Variants in TNR observed in about 807,000 individuals in gnomAD.
TNR encodes tenascin R, also known as tenascin-R.
Under a neutral mutation model 150.4 loss-of-function variants are expected in TNR, and 45 were observed. That is an observed-to-expected ratio of 0.30 (90% CI 0.24 to 0.38). TNR has a LOEUF of 0.38. Ranked by LOEUF, TNR falls within the 10% of genes least tolerant of loss-of-function variation. The pLI is 1.00. For synonymous variants in TNR, 687 were observed against 678.4 expected (o/e 1.01, Z -0.20); for missense variants, 1,544 against 1,759.1 (o/e 0.88, Z 2.19).
Position 175,368,560 on chromosome 1 carries a change from T to A in TNR, c.1964-1263A>T, listed in dbSNP as rs181135722. Among the ~76,000 whole-genome samples, 395 of 152,312 alleles carry A rather than the reference T, an allele frequency of 2.6e-3. 1 individual carries two copies. The highest frequency in any genetic ancestry group is 9.1e-3 in the African/African-American group (378 of 41,568). ...AAGTCCTTTTTGCCCTGTAAGGTGG[T>A]TATATTCACAGATGCTGGGGATTCT... On this transcript the variant is annotated intron_variant, in intron 9 of 22. Coordinates refer to ENST00000367674, the MANE Select transcript of TNR (RefSeq NM_003285.3).
intron 2 of TNR, among the ~76,000 whole-genome samples, chr1:175,452,056 A>G (rs1311773859): frequency 6.6e-6 from 1 of 152,174 alleles, no homozygotes; most frequent in Non-Finnish European, 1.5e-5. Flanking sequence ...GCAGCAGCCA[A>G]AAGAGAGGAA....
chr1:175,655,686 A>G (rs920578785), intron 1 of TNR, among the ~76,000 whole-genome samples: 1 of 152,346 alleles, frequency 6.6e-6, no homozygotes, highest in South Asian at 2.1e-4. Context: ...TTATCCCACC[A>G]CCATTAGCAA....
intron 2 of TNR, among the ~76,000 whole-genome samples, chr1:175,446,099 T>G (rs558755515): frequency 1.5e-3 from 230 of 152,324 alleles, no homozygotes; most frequent in African/African-American, 5.3e-3. Context: ...CCCCTCCTGC[T>G]CCTCAGTGCA....
At chr1:175,689,076 A>G (rs535746655) in intron 1 of TNR, among the ~76,000 whole-genome samples, 36 of 152,364 alleles carry the variant, frequency 2.4e-4, no homozygotes, top group African/African-American at 8.4e-4. Context: ...GGCATCCTGC[A>G]GGCCTCAATG....
intron 1 of TNR, among the ~76,000 whole-genome samples, chr1:175,733,170 GA>G (rs1667686345): frequency 6.6e-6 from 1 of 152,176 alleles, no homozygotes. Flanking sequence ...AGCAATATTT[GA>G]CCTTAAGAAC....
chr1:175,326,977 T>G (rs1195590468), intron 21 of TNR, among the ~76,000 whole-genome samples: 1 of 152,162 alleles, frequency 6.6e-6, no homozygotes, highest in Non-Finnish European at 1.5e-5. Flanking sequence ...CTATTTTTTT[T>G]TTTTAAGTTT....
rs2102012391 is a variant in TNR at position 175,363,835 on chromosome 1, G to A, written c.2588-8C>T. 1 of 1,604,468 alleles carries A rather than the reference G, an allele frequency of 6.2e-7. No homozygotes were observed. The highest frequency in any genetic ancestry group is 8.5e-7 in the Non-Finnish European group (1 of 1,174,730). On this transcript the variant is annotated splice_region_variant and splice_polypyrimidine_tract_variant and intron_variant, in intron 12 of 22. Coordinates refer to ENST00000367674, the MANE Select transcript of TNR (RefSeq NM_003285.3). ...CTTTTGGGGGATCAATTCCTACAAG[G>A]ACCCAGTGATTGTGGGAAAAAGACA...
chr1:175,335,811 T>A lies in TNR; in HGVS notation c.3535-4A>T. The A allele has an allele frequency of 1.9e-6, 3 of 1,605,518 alleles. No individual in the cohort carries two copies. Among genetic ancestry groups the A allele is most frequent in the Non-Finnish European group, 2.5e-6 (3 of 1,177,836 alleles). The stretch of plus-strand genomic sequence containing the variant: ...CATTCTGCCGCCTCTGGAATACCTA[T>A]GAAGGAAATAAAAAAACAAAAAACA... On this transcript the variant is annotated splice_polypyrimidine_tract_variant and splice_region_variant and intron_variant, in intron 19 of 22. Transcript: ENST00000367674.
intron 2 of TNR, among the ~76,000 whole-genome samples, chr1:175,419,282 T>A (rs932420489): frequency 2.0e-5 from 3 of 152,220 alleles, no homozygotes; most frequent in African/African-American, 7.2e-5. Flanking sequence ...ATTGGACTTT[T>A]AAATGTGTTC....
At chr1:175,565,358 G>A (rs1001936976) in intron 1 of TNR, among the ~76,000 whole-genome samples, 6 of 152,162 alleles carry the variant, frequency 3.9e-5, no homozygotes, top group Non-Finnish European at 8.8e-5. Context: ...CAGACAAACC[G>A]GTGGAGGATG....
intron 1 of TNR, among the ~76,000 whole-genome samples, chr1:175,664,770 C>G (rs188342203): frequency 3.3e-5 from 5 of 152,322 alleles, no homozygotes; most frequent in Admixed American, 2.6e-4. Context: ...CAAAATCCAA[C>G]TTGGTAAATG....
intron 1 of TNR, among the ~76,000 whole-genome samples, chr1:175,724,849 G>A (rs1667435568): frequency 6.6e-6 from 1 of 152,088 alleles, no homozygotes; most frequent in Non-Finnish European, 1.5e-5. Context: ...TTTGGCAGAG[G>A]GAGGAAGATG....
chr1:175,591,069 G>A (rs915906248), intron 1 of TNR, among the ~76,000 whole-genome samples: 2 of 152,178 alleles, frequency 1.3e-5, no homozygotes, highest in African/African-American at 4.8e-5. Flanking sequence ...AGAAGAAATA[G>A]CTTTTAGGCT....
At chr1:175,373,104 G>A (rs1037008420) in intron 9 of TNR, among the ~76,000 whole-genome samples, 24 of 152,288 alleles carry the variant, frequency 1.6e-4, no homozygotes, top group African/African-American at 4.6e-4. Context: ...TGGCAGTAGC[G>A]GTGGTGGTGG....
intron 9 of TNR, among the ~76,000 whole-genome samples, chr1:175,370,967 A>G (rs1652073954): frequency 6.6e-6 from 1 of 151,888 alleles, no homozygotes. Context: ...GGACTTGCTT[A>G]TAGGTTTGTG....
intron 1 of TNR, among the ~76,000 whole-genome samples, chr1:175,668,462 C>A (rs1665595425): frequency 6.6e-6 from 1 of 152,130 alleles, no homozygotes. Context: ...GGAGGGGGCT[C>A]TTCCTAAGCA....
At chr1:175,482,353 A>C (rs1390382452) in intron 2 of TNR, among the ~76,000 whole-genome samples, 2 of 152,210 alleles carry the variant, frequency 1.3e-5, no homozygotes, top group Non-Finnish European at 2.9e-5. Context: ...TGGCTAGGAG[A>C]CCGGAAGGGA....
chr1:175,565,172 A>G (rs988384850), intron 1 of TNR, among the ~76,000 whole-genome samples: 3 of 152,238 alleles, frequency 2.0e-5, no homozygotes, highest in African/African-American at 7.2e-5. Context: ...GACAAACAGG[A>G]TGACTCTGCC....
chr1:175,741,322 G>A (rs1237966384), intron 1 of TNR, among the ~76,000 whole-genome samples: 5 of 152,156 alleles, frequency 3.3e-5, no homozygotes, highest in Admixed American at 1.3e-4. Flanking sequence ...TAATGTCACT[G>A]AGCACTTTTT....
Sources: gnomAD v4.1 joint callset for allele counts (sites outside exome capture counted in the v4.1 genomes callset) on GRCh38, gnomAD v4.1.1 for gene constraint, MANE v1.5 for transcripts, NCBI Gene and HGNC (gene_info 2026-07-23, HGNC 2026-07-21) for gene names.